The following OCA2 variants were observed in gnomAD, a reference collection of about 807,000 sequenced individuals.
The protein encoded by OCA2 is OCA2 melanosomal transmembrane protein.
A neutral mutation model predicts 100.2 loss-of-function variants in OCA2; 77 were observed. That is an observed-to-expected ratio of 0.77 (90% CI 0.64 to 0.93). OCA2 has a LOEUF of 0.93. Ranked by LOEUF, OCA2 falls within the 40% of genes least tolerant of loss-of-function variation. The probability of loss-of-function intolerance (pLI) is 0.00; values close to 1 mark genes in which losing one functional copy is unlikely to be tolerated. For missense variants in OCA2, 1,062 were observed against 1,089.1 expected (o/e 0.98, Z 0.35); for synonymous variants, 432 against 439.2 (o/e 0.98, Z 0.21).
At chr15:28,086,493 A>G (rs975782818) in intron 1 of OCA2, among the ~76,000 whole-genome samples, 1 of 152,140 alleles carries the variant, frequency 6.6e-6, no homozygotes, top group African/African-American at 2.4e-5. Context: ...CGTGGTGTCA[A>G]AGGAAGGCAC....
chr15:27,873,704 C>A (rs745925855), intron 19 of OCA2, among the ~76,000 whole-genome samples: 6 of 151,976 alleles, frequency 3.9e-5, no homozygotes, highest in Admixed American at 3.3e-4. Flanking sequence ...TAATGTAAGA[C>A]AAAATAAAGT....
At chr15:28,027,403 G>A (rs2042786441) in intron 4 of OCA2, among the ~76,000 whole-genome samples, 1 of 152,174 alleles carries the variant, frequency 6.6e-6, no homozygotes, top group Non-Finnish European at 1.5e-5. Context: ...GTTTTCCAAC[G>A]GATTGTAAGT....
chr15:27,952,429 T>C (rs2040064359), intron 17 of OCA2, among the ~76,000 whole-genome samples: 1 of 152,146 alleles, frequency 6.6e-6, no homozygotes, highest in Admixed American at 6.5e-5. Flanking sequence ...AAGGCCTCCA[T>C]CAACCTAGGA....
chr15:27,726,364 C>A, the OCA2 span, among the ~76,000 whole-genome samples: 2 of 151,768 alleles, frequency 1.3e-5, no homozygotes, highest in African/African-American at 4.8e-5. Flanking sequence ...ACTTTATGGG[C>A]CCAATGCTGT....
chr15:27,824,602 C>CTCTCTCTCTCTCTATATA lies in OCA2; in HGVS notation c.2432+20356_2432+20357insTATATAGAGAGAGAGAGA. ...TTTCTCTCTCTCTCTCTCTCTCTCT[C>CTCTCTCTCTCTCTATATA]TATATATATATATATATATAATATA... On this transcript the variant is annotated intron_variant, in intron 23 of 23. Transcript: ENST00000354638. 9.2e-4 allele frequency among the ~76,000 whole-genome samples: 44 copies of CTCTCTCTCTCTCTATATA among 47,596 alleles called. 2 individuals are homozygous for CTCTCTCTCTCTCTATATA. The highest frequency in any genetic ancestry group is 4.7e-3 in the African/African-American group (30 of 6,322). The allele number at this position is 47,596 out of a possible 152,430, so 31.2% of individuals were successfully genotyped here. A position where few individuals can be genotyped will look rare whatever the true frequency, so the allele number is the denominator to read the frequency against.
chr15:27,871,786 T>C, intron 20 of OCA2, 77 bp downstream of exon 20: 3 of 1,047,170 alleles, frequency 2.9e-6, no homozygotes, highest in Non-Finnish European at 4.4e-6. Context: ...CTTACCAGAG[T>C]GCTTTTTTTT....
At chr15:28,067,886 G>C (rs776644531) in intron 2 of OCA2, among the ~76,000 whole-genome samples, 5 of 152,180 alleles carry the variant, frequency 3.3e-5, no homozygotes, top group African/African-American at 4.8e-5. Context: ...AGAGTTTTTT[G>C]GTTAGTTTTT....
At chr15:27,822,755 G>C (rs535137866) in intron 23 of OCA2, among the ~76,000 whole-genome samples, 1 of 152,236 alleles carries the variant, frequency 6.6e-6, no homozygotes, top group South Asian at 2.1e-4. Context: ...TTTCCTAATT[G>C]ATTGGTAGGA....
chr15:27,924,746 A>G (rs1329775033), intron 19 of OCA2, among the ~76,000 whole-genome samples: 2 of 152,228 alleles, frequency 1.3e-5, no homozygotes, highest in Non-Finnish European at 2.9e-5. Context: ...GAAAGCAGTA[A>G]AAGATAAAGA....
chr15:28,003,132 C>G (rs1249809582), intron 9 of OCA2, among the ~76,000 whole-genome samples: 1 of 152,228 alleles, frequency 6.6e-6, no homozygotes, highest in Non-Finnish European at 1.5e-5. Context: ...TCCTGCCTGG[C>G]CTGCAAGGAG....
At position 27,895,225 on chromosome 15, in the gene OCA2, C is replaced by A. The variant is rs79306111; in HGVS notation, c.2080-23303G>T. The stretch of plus-strand genomic sequence containing the variant: ...AGGGTGATTGTGACATATCACTGGG[C>A]CCAGAACCTAGTCTCTGGTGTGTCT... On this transcript the variant is annotated intron_variant, in intron 19 of 23. Transcript: ENST00000354638. Among the ~76,000 whole-genome samples, 410 of 152,276 alleles carry A rather than the reference C, an allele frequency of 2.7e-3. 2 individuals carry two copies. Among genetic ancestry groups the A allele is most frequent in the African/African-American group, 9.5e-3 (396 of 41,548 alleles).
At chr15:27,754,225 T>C (rs564617606), downstream of OCA2, among the ~76,000 whole-genome samples, 91 of 152,286 alleles carry the variant, frequency 6.0e-4, no homozygotes, top group Non-Finnish European at 9.6e-4. Flanking sequence ...ACTCCCAACC[T>C]TTCAGGGAAG....
chr15:28,072,417 A>G (rs1467820462), intron 2 of OCA2, among the ~76,000 whole-genome samples: 5 of 151,884 alleles, frequency 3.3e-5, no homozygotes, highest in African/African-American at 1.2e-4. Context: ...GTGAAACCCC[A>G]TCTCTACTAA....
intron 7 of OCA2, among the ~76,000 whole-genome samples, chr15:28,018,134 T>C (rs1246543863): frequency 6.6e-6 from 1 of 151,914 alleles, no homozygotes; most frequent in Non-Finnish European, 1.5e-5. Flanking sequence ...TTCAAATGTA[T>C]GTTTCCTGAA....
intron 23 of OCA2, among the ~76,000 whole-genome samples, chr15:27,807,363 CGGTGCTGT>C (rs926761382): frequency 1.3e-5 from 2 of 152,272 alleles, no homozygotes; most frequent in African/African-American, 2.4e-5. Flanking sequence ...CTCCTGATGC[CGGTGCTGT>C]GGTGCTGTGA....
intron 23 of OCA2, among the ~76,000 whole-genome samples, chr15:27,842,344 T>C (rs1318773679): frequency 6.6e-6 from 1 of 152,254 alleles, no homozygotes; most frequent in Non-Finnish European, 1.5e-5. Flanking sequence ...AGGTTACTTT[T>C]GTATTTTATT....
At chr15:27,755,546 T>G (rs1595357765) in intron 23 of OCA2, 74 bp from the exon 24 acceptor site, 1 of 1,153,952 alleles carries the variant, frequency 8.7e-7, no homozygotes, top group South Asian at 1.2e-5. Context: ...TCATAGCTCA[T>G]GAGAACATGG....
chr15:27,887,104 T>A (rs760849919), intron 19 of OCA2, among the ~76,000 whole-genome samples: 5 of 152,182 alleles, frequency 3.3e-5, no homozygotes, highest in African/African-American at 7.2e-5. Flanking sequence ...CCTGCCGCCA[T>A]CCATGTAAGA....
chr15:27,829,701 T>A (rs562016199), intron 23 of OCA2, among the ~76,000 whole-genome samples: 1 of 152,322 alleles, frequency 6.6e-6, no homozygotes, highest in South Asian at 2.1e-4. Context: ...TCAACCTCAA[T>A]CAGCATCTTC....
Sources: allele counts gnomAD v4.1 joint callset (sites outside exome capture counted in the v4.1 genomes callset), GRCh38; gene constraint gnomAD v4.1.1; transcripts MANE v1.5; gene names NCBI Gene and HGNC (gene_info 2026-07-23, HGNC 2026-07-21).